The following QSER1 variants were observed in gnomAD, a reference collection of about 807,000 sequenced individuals.
The protein encoded by QSER1 is glutamine and serine rich 1, also known as glutamine and serine-rich protein 1.
A neutral mutation model predicts 158.5 loss-of-function variants in QSER1; 49 were observed. That is an observed-to-expected ratio of 0.31 (90% CI 0.25 to 0.39). The LOEUF is 0.39. Among genes scored for constraint, QSER1 ranks in the 10% least tolerant of loss-of-function variants. The pLI is 1.00. For synonymous variants in QSER1, 650 were observed against 715.5 expected, an observed-to-expected ratio of 0.91 and a Z score of 1.46; for missense variants, 1,754 against 2,010.3, an observed-to-expected ratio of 0.87 and a Z score of 2.44.
At chr11:32,916,372 C>T (rs1002012373) in intron 1 of QSER1, among the ~76,000 whole-genome samples, 15 of 152,260 alleles carry the variant, frequency 9.9e-5, no homozygotes, top group African/African-American at 3.6e-4. Flanking sequence ...GCAGTCTTTT[C>T]CTAGTTTCCC....
In QSER1 at chr11:32,961,459, C is replaced by T. The variant is rs145036123; in HGVS notation, c.4969+3373C>T. Among the ~76,000 whole-genome samples the T allele has an allele frequency of 2.2e-3, 338 of 152,246 alleles. 2 individuals carry two copies. Among genetic ancestry groups the T allele is most frequent in the African/African-American group, 7.5e-3 (311 of 41,570 alleles). On this transcript the variant is annotated intron_variant, in intron 8 of 12. Coordinates refer to ENST00000650167, the MANE Select transcript of QSER1 (RefSeq NM_001076786.3). ...CTTCCAATAATTAATTTTTTTCACACTTTAAAACACTGTGGTTAAATATAA... is the reference window on the plus strand; with the variant it reads ...CTTCCAATAATTAATTTTTTTCACATTTTAAAACACTGTGGTTAAATATAA...
At chr11:32,952,464 G>A (rs923761847) in intron 4 of QSER1, among the ~76,000 whole-genome samples, 1 of 151,266 alleles carries the variant, frequency 6.6e-6, no homozygotes. Context: ...TAAATCCCAC[G>A]TGGTCATATT....
chr11:32,911,302 C>T (rs1478178760), intron 1 of QSER1, among the ~76,000 whole-genome samples: 1 of 151,912 alleles, frequency 6.6e-6, no homozygotes, highest in Non-Finnish European at 1.5e-5. Flanking sequence ...TGGGGGAAGA[C>T]GGGAAGGAAC....
At chr11:32,905,062 TA>T (rs537925999) in intron 1 of QSER1, among the ~76,000 whole-genome samples, 129 of 152,372 alleles carry the variant, frequency 8.5e-4, no homozygotes, top group African/African-American at 3.1e-3. Flanking sequence ...TTTCAGAGTT[TA>T]AATTTGGCCT....
rs190178208 is a variant in QSER1 at position 32,937,382 on chromosome 11, C to T, written c.4177+1947C>T. Reference sequence around the variant, plus strand: ...ACATTGAAACCTCAAACTCCTGGGCCCAGGCAATCTTCCTTCCTCAGCCTC... The same window carrying T: ...ACATTGAAACCTCAAACTCCTGGGCTCAGGCAATCTTCCTTCCTCAGCCTC... On this transcript the variant is annotated intron_variant, in intron 4 of 12. Transcript: ENST00000650167. 6.8e-4 allele frequency among the ~76,000 whole-genome samples: 104 copies of T among 152,100 alleles called. 1 individual carries two copies. In the Middle Eastern group the frequency reaches 0.034, roughly 50 times the overall value.
intron 1 of QSER1, among the ~76,000 whole-genome samples, chr11:32,897,951 T>C (rs1188479701): frequency 6.6e-6 from 1 of 152,230 alleles, no homozygotes; most frequent in Non-Finnish European, 1.5e-5. Context: ...CTTGAAACTG[T>C]CTGCTTCTTT....
At chr11:32,937,759 T>G (rs1387868176) in intron 4 of QSER1, among the ~76,000 whole-genome samples, 3 of 152,238 alleles carry the variant, frequency 2.0e-5, no homozygotes, top group Non-Finnish European at 4.4e-5. Context: ...TTACTCTCTT[T>G]CCACTGTCCC....
intron 7 of QSER1, 199 bp from the exon 8 acceptor site, chr11:32,957,670 T>A: frequency 1.8e-6 from 1 of 550,514 alleles, no homozygotes; most frequent in Non-Finnish European, 3.2e-6. Context: ...TATTGAATGC[T>A]TCTGGTGAAA....
At chr11:32,940,785 C>T (rs1007160477) in intron 4 of QSER1, among the ~76,000 whole-genome samples, 2 of 152,084 alleles carry the variant, frequency 1.3e-5, no homozygotes, top group Non-Finnish European at 2.9e-5. Flanking sequence ...CTCTTTCTTC[C>T]TCTAAATGAT....
chr11:32,941,750 A>G (rs1476926113), intron 4 of QSER1, among the ~76,000 whole-genome samples: 1 of 152,098 alleles, frequency 6.6e-6, no homozygotes, highest in Non-Finnish European at 1.5e-5. Context: ...TATACCCAGT[A>G]ATGGGATGGC....
chr11:32,938,908 A>C (rs755646181), intron 4 of QSER1, among the ~76,000 whole-genome samples: 1 of 152,202 alleles, frequency 6.6e-6, no homozygotes, highest in Non-Finnish European at 1.5e-5. Flanking sequence ...GATGGTACAC[A>C]GTTGTCTAAC....
chr11:32,936,248 C>A (rs912055319), intron 4 of QSER1, among the ~76,000 whole-genome samples: 1 of 148,972 alleles, frequency 6.7e-6, no homozygotes, highest in Admixed American at 6.8e-5. Context: ...CCCATGTGTT[C>A]TCATTGTTCA....
intron 1 of QSER1, among the ~76,000 whole-genome samples, chr11:32,910,232 CTG>C (rs1851749408): frequency 6.6e-6 from 1 of 152,180 alleles, no homozygotes; most frequent in Admixed American, 6.5e-5. Context: ...TTGCTGATTA[CTG>C]TGTCCTCTTT....
chr11:32,938,203 A>G lies in QSER1; in HGVS notation c.4177+2768A>G, dbSNP rs138010385. 5.3e-3 allele frequency among the ~76,000 whole-genome samples: 813 copies of G among 152,310 alleles called. 14 individuals are homozygous for G. The highest frequency in any genetic ancestry group is 8.1e-3 in the Non-Finnish European group (551 of 68,014). On this transcript the variant is annotated intron_variant, in intron 4 of 12. Transcript: ENST00000650167. ...TAAAATGGGACATGGTGATACAGTC[A>G]GTATATAGTAACCTCTCAGGTTTTT...
rs764873219 is a variant in QSER1 at position 32,933,463 on chromosome 11, T to C, written c.2205T>C (p.Tyr735=). ...AGGTGTCAAAGGCAGATGACAGATA[T>C]TCTCAGAGTGTAATCAGAAGTAATT... The part of the protein sequence containing the change: ...TYKVSKADDR[Y]SQSVIRSNSR... The change falls in exon 4 of 13, where the codon TAT becomes TAC. Residue 735 remains tyrosine (Y), a synonymous_variant. Coordinates refer to ENST00000650167, the MANE Select transcript of QSER1 (RefSeq NM_001076786.3). The C allele has an allele frequency of 9.9e-6, 16 of 1,612,596 alleles. No homozygotes were observed. In the East Asian group the frequency reaches 3.1e-4, roughly 31 times the overall value.
In QSER1 at chr11:32,928,015, G is replaced by T; in HGVS notation, c.376G>T (p.Glu126Ter). Residue 126 changes from glutamate (E) to a stop codon, truncating the protein, a stop_gained, in exon 3 of 13, where the codon GAG becomes TAG. Transcript: ENST00000650167. LOFTEE classifies it high-confidence loss of function. ...GAACAGTGCCAGCAGTAACACTAAA[G>T]AGTCTTCAGTGATGAATTTTCTGTC... ...SVNSASSNTK[E>*]SSVMNFLSTA... 1.3e-6 allele frequency: 2 copies of T among 1,561,376 alleles called. No homozygotes were observed. Among genetic ancestry groups the T allele is most frequent in the Non-Finnish European group, 1.8e-6 (2 of 1,132,990 alleles).
At chr11:32,929,123 G>GT (rs1443641725) in intron 3 of QSER1, among the ~76,000 whole-genome samples, 1 of 151,806 alleles carries the variant, frequency 6.6e-6, no homozygotes, top group South Asian at 2.1e-4. Context: ...GTTTTGTTTT[G>GT]TTTTTTGAGA....
intron 3 of QSER1, among the ~76,000 whole-genome samples, chr11:32,931,005 T>C (rs958124277): frequency 2.0e-5 from 3 of 152,184 alleles, no homozygotes; most frequent in Non-Finnish European, 4.4e-5. Flanking sequence ...TTAAAGTGAA[T>C]ATATTTTGGT....
intron 9 of QSER1, 33 bp from the exon 10 acceptor site, chr11:32,969,013 A>T: frequency 8.8e-7 from 1 of 1,136,050 alleles, no homozygotes; most frequent in Non-Finnish European, 1.3e-6. Flanking sequence ...ATTTATTGAT[A>T]GTTTATCCTG....
Sources: allele counts gnomAD v4.1 joint callset (sites outside exome capture counted in the v4.1 genomes callset), GRCh38; gene constraint gnomAD v4.1.1; transcripts MANE v1.5; gene names NCBI Gene and HGNC (gene_info 2026-07-23, HGNC 2026-07-21).